Variants in CSNK1G3 observed in about 807,000 individuals in gnomAD.
The protein encoded by CSNK1G3 is casein kinase I isoform gamma-3.
CSNK1G3 carries 23 observed loss-of-function variants against 64.3 expected under a neutral mutation model. That is an observed-to-expected ratio of 0.36 (90% CI 0.26 to 0.51). The LOEUF (loss-of-function observed/expected upper bound fraction) is 0.51. Ranked by LOEUF, CSNK1G3 falls within the 20% of genes least tolerant of loss-of-function variation. CSNK1G3 has a pLI of 0.96. For synonymous variants in CSNK1G3, 158 were observed against 162.2 expected (o/e 0.97, Z 0.20); for missense variants, 357 against 510.5 (o/e 0.70, Z 2.90).
At chr5:123,616,800 G>C (rs1250488708) in exon 13 of CSNK1G3, 1 of 152,186 alleles carries the variant, frequency 6.6e-6, no homozygotes, top group Non-Finnish European at 1.5e-5. Context: ...CTCTAAAGAT[G>C]GGTAAAATAA....
chr5:123,609,484 T>G lies in CSNK1G3; in HGVS notation c.1217+4122T>G, dbSNP rs180683242. On this transcript the variant is annotated intron_variant, in intron 12 of 12. Transcript: ENST00000345990. ...ACCATTTGTTTAGTTTCTATAATACTAAGTGTTCAGGACTTTGATAGTCTC... is the reference window on the plus strand; with the variant it reads ...ACCATTTGTTTAGTTTCTATAATACGAAGTGTTCAGGACTTTGATAGTCTC... Among the ~76,000 whole-genome samples, 7 of 152,324 alleles carry G rather than the reference T, an allele frequency of 4.6e-5. No homozygotes were observed. The East Asian group carries it at 1.3e-3, about 29-fold the overall frequency.
chr5:123,569,130 A>C (rs1787561418), intron 4 of CSNK1G3, among the ~76,000 whole-genome samples: 1 of 152,192 alleles, frequency 6.6e-6, no homozygotes, highest in Non-Finnish European at 1.5e-5. Context: ...ATGAAGCTTG[A>C]ACATGATTAT....
chr5:123,571,963 CAA>C (rs1012603639), intron 4 of CSNK1G3, among the ~76,000 whole-genome samples: 1 of 152,092 alleles, frequency 6.6e-6, no homozygotes, highest in Non-Finnish European at 1.5e-5. Context: ...TAAAGGAAGA[CAA>C]GAGTTTTTAA....
intron 10 of CSNK1G3, among the ~76,000 whole-genome samples, chr5:123,595,663 A>G (rs956538232): frequency 1.3e-5 from 2 of 152,124 alleles, no homozygotes; most frequent in African/African-American, 4.8e-5. Flanking sequence ...GGAAATTTTA[A>G]TAAGAAGTGT....
chr5:123,526,835 A>G (rs181260152), intron 1 of CSNK1G3, among the ~76,000 whole-genome samples: 13 of 134,836 alleles, frequency 9.6e-5, no homozygotes, highest in Admixed American at 7.9e-4. Context: ...TCATTCATGT[A>G]CAGATTGTGT....
At chr5:123,589,297 A>G (rs775688410) in intron 8 of CSNK1G3, among the ~76,000 whole-genome samples, 41 of 152,238 alleles carry the variant, frequency 2.7e-4, no homozygotes, top group Non-Finnish European at 4.7e-4. Context: ...ATTCATTGAC[A>G]GCAAACTTTA....
chr5:123,588,103 C>A (rs541069932), exon 7 of CSNK1G3: 4 of 1,596,926 alleles, frequency 2.5e-6, no homozygotes, highest in South Asian at 1.1e-5. Flanking sequence ...AGCTTTAGGT[C>A]ATATGTTCAT....
At chr5:123,601,713 T>G (rs971440338) in intron 10 of CSNK1G3, among the ~76,000 whole-genome samples, 9 of 152,180 alleles carry the variant, frequency 5.9e-5, no homozygotes, top group African/African-American at 2.2e-4. Context: ...ATTATGCTGC[T>G]TAAAATAAGG....
chr5:123,527,112 A>G (rs1779231360), intron 1 of CSNK1G3, among the ~76,000 whole-genome samples: 2 of 152,146 alleles, frequency 1.3e-5, no homozygotes, highest in Non-Finnish European at 2.9e-5. Context: ...CACCAGCAAT[A>G]TTGGGACAGT....
chr5:123,565,661 G>A (rs1049308856), intron 4 of CSNK1G3, among the ~76,000 whole-genome samples: 9 of 152,126 alleles, frequency 5.9e-5, no homozygotes, highest in African/African-American at 1.4e-4. Flanking sequence ...GTTGGCTCAC[G>A]GTTCTGTAGG....
At chr5:123,586,824 A>G (rs1288121919) in intron 6 of CSNK1G3, among the ~76,000 whole-genome samples, 1 of 152,190 alleles carries the variant, frequency 6.6e-6, no homozygotes, top group African/African-American at 2.4e-5. Flanking sequence ...AGACTGGGCA[A>G]TTTACAAAAG....
intron 12 of CSNK1G3, among the ~76,000 whole-genome samples, chr5:123,611,536 C>T (rs1303308739): frequency 1.3e-5 from 2 of 152,144 alleles, no homozygotes; most frequent in African/African-American, 4.8e-5. Flanking sequence ...TCTCAGAACT[C>T]AACTCTCAGA....
At chr5:123,592,660 A>T (rs904360962) in intron 10 of CSNK1G3, among the ~76,000 whole-genome samples, 2 of 151,896 alleles carry the variant, frequency 1.3e-5, no homozygotes, top group Admixed American at 1.3e-4. Context: ...CAGGATGACA[A>T]TCAAAAGAAA....
intron 6 of CSNK1G3, among the ~76,000 whole-genome samples, chr5:123,581,306 G>A (rs1345863134): frequency 3.4e-5 from 5 of 148,822 alleles, no homozygotes; most frequent in Non-Finnish European, 7.4e-5. Flanking sequence ...AAATAAATTT[G>A]GAGACAATTT....
intron 4 of CSNK1G3, among the ~76,000 whole-genome samples, chr5:123,560,443 C>T (rs75118187): frequency 0.012 from 1,789 of 152,236 alleles, 41 homozygotes; most frequent in African/African-American, 0.04. Flanking sequence ...GTATTGTTTA[C>T]ACTAGCCAAA....
chr5:123,591,336 A>T, exon 10 of CSNK1G3: 1 of 1,607,570 alleles, frequency 6.2e-7, no homozygotes, highest in Non-Finnish European at 8.5e-7. Context: ...CAGTGGGTGC[A>T]GTTCAGCAAG....
intron 4 of CSNK1G3, among the ~76,000 whole-genome samples, chr5:123,561,147 CATT>C (rs1785627235): frequency 6.6e-6 from 1 of 152,112 alleles, no homozygotes; most frequent in South Asian, 2.1e-4. Context: ...CTTTACATTA[CATT>C]ATTTAGCTTT....
intron 4 of CSNK1G3, among the ~76,000 whole-genome samples, chr5:123,568,047 A>T (rs1017674660): frequency 9.9e-5 from 15 of 152,184 alleles, no homozygotes; most frequent in African/African-American, 3.6e-4. Context: ...GGTCAGGTGA[A>T]TATGGCAGAT....
chr5:123,569,630 A>G (rs1192236226), intron 4 of CSNK1G3, among the ~76,000 whole-genome samples: 1 of 152,232 alleles, frequency 6.6e-6, no homozygotes, highest in Non-Finnish European at 1.5e-5. Context: ...CAAGGTCATC[A>G]TAGCATATAA....
Sources: gnomAD v4.1 joint callset for allele counts (sites outside exome capture counted in the v4.1 genomes callset) on GRCh38, gnomAD v4.1.1 for gene constraint, MANE v1.5 for transcripts, NCBI Gene and HGNC (gene_info 2026-07-23, HGNC 2026-07-21) for gene names.